WWC1: variants seen among roughly 807,000 people sequenced by gnomAD.
WWC1 encodes the protein WW and C2 domain containing 1.
Under a neutral mutation model 138.4 loss-of-function variants are expected in WWC1, and 55 were observed. The ratio of observed to expected loss-of-function variants is 0.40; its 90% CI spans 0.32 to 0.50. The LOEUF is 0.50. WWC1 is among the 20% of genes least tolerant of loss of function. WWC1 has a pLI of 0.72. For missense variants in WWC1, 1,226 were observed against 1,420.4 expected, an observed-to-expected ratio of 0.86 and a Z score of 2.20; for synonymous variants, 524 against 564.9, an observed-to-expected ratio of 0.93 and a Z score of 1.03.
intron 3 of WWC1, among the ~76,000 whole-genome samples, chr5:168,395,657 G>T (rs1034030807): frequency 5.3e-5 from 8 of 152,112 alleles, no homozygotes; most frequent in Non-Finnish European, 7.3e-5. Flanking sequence ...CTTTAAATTG[G>T]CAATAAAACA....
chr5:168,380,566 A>AC (rs1777552339), intron 2 of WWC1, among the ~76,000 whole-genome samples: 1 of 152,246 alleles, frequency 6.6e-6, no homozygotes, highest in South Asian at 2.1e-4. Context: ...ATTCTGATAC[A>AC]CTGCTGGTGA....
intron 20 of WWC1, among the ~76,000 whole-genome samples, chr5:168,463,926 C>T (rs1024326218): frequency 1.4e-4 from 21 of 152,114 alleles, no homozygotes; most frequent in Non-Finnish European, 2.9e-4. Flanking sequence ...ATCTTGAAGG[C>T]TTAGCAACCT....
intron 12 of WWC1, 144 bp from the exon 13 acceptor site, chr5:168,428,563 T>A (rs3733982): frequency 0.37 from 230,108 of 629,348 alleles, 50,174 homozygotes; most frequent in East Asian, 0.8. Context: ...CTAAAAAAAA[T>A]TTTTTTTAAT....
chr5:168,293,638 C>T (rs190232162), intron 1 of WWC1, among the ~76,000 whole-genome samples: 166 of 152,246 alleles, frequency 1.1e-3, no homozygotes, highest in Non-Finnish European at 2.0e-3. Flanking sequence ...GCTGCTTCAA[C>T]CTCTGAGCCT....
chr5:168,460,723 G>C lies in WWC1; in HGVS notation c.2897G>C (p.Arg966Pro). The part of the protein sequence containing the change: ...PPFVRNSLER[R>P]SVRMKRPSSV... ...TTTGTTCGAAACTCCCTGGAGCGAC[G>C]CAGCGTCCGGATGAAGCGGGTAAGA... The change falls in exon 20 of 23, where the codon CGC becomes CCC. Residue 966 changes from arginine to proline, a missense_variant. Transcript: ENST00000265293. The C allele has an allele frequency of 6.2e-7, 1 of 1,614,156 alleles. No individual in the cohort carries two copies. Among genetic ancestry groups the C allele is most frequent in the Non-Finnish European group, 8.5e-7 (1 of 1,180,028 alleles).
At chr5:168,377,330 G>A (rs144982342) in intron 2 of WWC1, among the ~76,000 whole-genome samples, 2 of 152,292 alleles carry the variant, frequency 1.3e-5, no homozygotes, top group African/African-American at 4.8e-5. Flanking sequence ...AAGAGGCCTA[G>A]AAGAGAACCT....
At chr5:168,325,726 A>G (rs1772474745) in intron 1 of WWC1, among the ~76,000 whole-genome samples, 1 of 152,206 alleles carries the variant, frequency 6.6e-6, no homozygotes, top group Non-Finnish European at 1.5e-5. Flanking sequence ...TGCATTAATT[A>G]TATTGTTATT....
rs1757611111 is a variant in WWC1 at position 168,470,127 on chromosome 5, T to A, written c.*1110T>A. 6.6e-6 allele frequency: 1 copy of A among 152,228 alleles called. No homozygotes were observed. Among genetic ancestry groups the A allele is most frequent in the Admixed American group, 6.5e-5 (1 of 15,270 alleles). The allele number at this position is 152,228 out of a possible 1,614,324, so 9.4% of individuals were successfully genotyped here. On this transcript the variant is annotated 3_prime_UTR_variant, in exon 23 of 23. Transcript: ENST00000265293. ...ATGCTGCTCCTGTGGCCCCTATTCC[T>A]ACCCAGCTCAGAGCTTTGCAGGGTC... is the stretch of plus-strand genomic sequence containing the variant.
intron 1 of WWC1, among the ~76,000 whole-genome samples, chr5:168,357,792 A>G (rs1561653496): frequency 1.3e-5 from 2 of 152,070 alleles, no homozygotes; most frequent in Admixed American, 1.3e-4. Flanking sequence ...ATAACATTCT[A>G]TTTATTTTCT....
At chr5:168,417,252 A>C (rs1336147813) in intron 9 of WWC1, among the ~76,000 whole-genome samples, 1 of 152,202 alleles carries the variant, frequency 6.6e-6, no homozygotes, top group Non-Finnish European at 1.5e-5. Context: ...CCTATCTACA[A>C]TGTTGAGGAT....
chr5:168,344,818 G>A (rs1004687394), intron 1 of WWC1, among the ~76,000 whole-genome samples: 5 of 152,134 alleles, frequency 3.3e-5, no homozygotes, highest in Non-Finnish European at 5.9e-5. Flanking sequence ...GGGGGGAAAA[G>A]ATTTGATCAG....
chr5:168,432,047 CAAAAA>C (rs10532675), intron 15 of WWC1, among the ~76,000 whole-genome samples: 15 of 111,380 alleles, frequency 1.3e-4, no homozygotes, highest in Non-Finnish European at 1.6e-4. Flanking sequence ...AACCCTGTGT[CAAAAA>C]AAAAAAAAAA....
At chr5:168,435,253 T>G (rs1273096427) in intron 15 of WWC1, among the ~76,000 whole-genome samples, 1 of 152,110 alleles carries the variant, frequency 6.6e-6, no homozygotes, top group Non-Finnish European at 1.5e-5. Context: ...AGGGTGGGCC[T>G]TCTGCACTCC....
intron 3 of WWC1, among the ~76,000 whole-genome samples, chr5:168,391,794 T>TATATATGA (rs1778532235): frequency 7.5e-6 from 1 of 133,636 alleles, no homozygotes; most frequent in Non-Finnish European, 1.6e-5. Context: ...TATATATATA[T>TATATATGA]GATTAGGGAA....
chr5:168,351,663 G>A (rs1305600590), intron 1 of WWC1, among the ~76,000 whole-genome samples: 2 of 152,254 alleles, frequency 1.3e-5, no homozygotes, highest in African/African-American at 4.8e-5. Flanking sequence ...GGATGCCTGC[G>A]GAGAATTTGA....
intron 1 of WWC1, among the ~76,000 whole-genome samples, chr5:168,327,136 C>T (rs1772632725): frequency 6.6e-6 from 1 of 152,192 alleles, no homozygotes; most frequent in Admixed American, 6.5e-5. Flanking sequence ...TTCCACAGGG[C>T]TTTCCAGAGC....
chr5:168,354,153 C>G (rs1374393432), intron 1 of WWC1, among the ~76,000 whole-genome samples: 1 of 151,720 alleles, frequency 6.6e-6, no homozygotes, highest in African/African-American at 2.4e-5. Flanking sequence ...TGGATTCAAG[C>G]GATTCTCCTG....
chr5:168,307,977 G>C (rs1368491703), intron 1 of WWC1, among the ~76,000 whole-genome samples: 1 of 152,086 alleles, frequency 6.6e-6, no homozygotes, highest in Non-Finnish European at 1.5e-5. Context: ...GGTATGAAAG[G>C]CTTCGTGAGA....
chr5:168,379,360 C>T (rs1163085664), intron 2 of WWC1, among the ~76,000 whole-genome samples: 2 of 152,120 alleles, frequency 1.3e-5, no homozygotes, highest in African/African-American at 2.4e-5. Context: ...AGGACCCCCT[C>T]AGGGTGTGAC....
Sources: gnomAD v4.1 joint callset for allele counts (sites outside exome capture counted in the v4.1 genomes callset) on GRCh38, gnomAD v4.1.1 for gene constraint, MANE v1.5 for transcripts, NCBI Gene and HGNC (gene_info 2026-07-23, HGNC 2026-07-21) for gene names.